Variants in MYO9A observed in about 807,000 individuals in gnomAD.
The protein encoded by MYO9A is unconventional myosin-IXa.
MYO9A carries 103 observed loss-of-function variants against 293.3 expected under a neutral mutation model. The observed-to-expected ratio is 0.35, with a 90% CI of 0.30 to 0.41. MYO9A has a LOEUF of 0.41. Among genes scored for constraint, MYO9A ranks in the 10% least tolerant of loss-of-function variants. The probability of loss-of-function intolerance (pLI) is 1.00; values close to 1 mark genes in which losing one functional copy is unlikely to be tolerated. For missense variants in MYO9A, 2,685 were observed against 3,033.0 expected (o/e 0.89, Z 2.69); for synonymous variants, 1,001 against 1,035.7 (o/e 0.97, Z 0.64).
At chr15:71,849,108 G>A (rs1222364507) in intron 38 of MYO9A, 140 bp from the exon 39 acceptor site, 1 of 840,568 alleles carries the variant, frequency 1.2e-6, no homozygotes, top group Non-Finnish European at 1.7e-6. Flanking sequence ...CAGAGACAAG[G>A]TTTAGAATGG....
chr15:72,116,563 C>T (rs2080986736), intron 1 of MYO9A, among the ~76,000 whole-genome samples: 1 of 152,096 alleles, frequency 6.6e-6, no homozygotes. Context: ...AAACCGACAT[C>T]GAAGCATTCA....
At chr15:72,062,882 T>C (rs4131631) in intron 1 of MYO9A, among the ~76,000 whole-genome samples, 4,401 of 152,218 alleles carry the variant, frequency 0.029, 82 homozygotes, top group African/African-American at 0.04. Flanking sequence ...ATTAACTGGA[T>C]GTGGTGGCAC....
chr15:72,026,639 A>C (rs1375726961), intron 4 of MYO9A, among the ~76,000 whole-genome samples: 3 of 152,078 alleles, frequency 2.0e-5, no homozygotes, highest in African/African-American at 7.2e-5. Flanking sequence ...AAAATAGAGA[A>C]CATCAATGAA....
rs1305458405 is a variant in MYO9A, at chr15:72,046,427, A to G, written c.137T>C (p.Ile46Thr). 6.2e-7 allele frequency: 1 copy of G among 1,614,066 alleles called. No individual in the cohort carries two copies. The highest frequency in any genetic ancestry group is 8.5e-7 in the Non-Finnish European group (1 of 1,180,038). ...ARKNSTAAEV[I>T]ESLINKLHLD... ...ATGAAGTTTGTTTATAAGAGACTCA[A>G]TCACCTCAGCAGCTGTGGAGTTTTT... The change falls in exon 2 of 42, where the codon ATT becomes ACT. Residue 46 changes from isoleucine (I) to threonine (T), a missense_variant. This residue lies in a region of MYO9A where 67 missense variants were observed against 63.2 expected (regional missense o/e 1.06). Transcript: ENST00000356056.
chr15:71,839,694 A>G (rs1172993045), intron 39 of MYO9A, among the ~76,000 whole-genome samples: 1 of 151,902 alleles, frequency 6.6e-6, no homozygotes, highest in East Asian at 1.9e-4. Context: ...ATAGGCATGA[A>G]CTACTGTGCC....
chr15:71,959,182 G>C (rs2059269042), intron 14 of MYO9A: 1 of 152,100 alleles, frequency 6.6e-6, no homozygotes, highest in African/African-American at 2.4e-5. Flanking sequence ...ACAAAGACCA[G>C]TTCAAATACT....
At chr15:71,986,191 TTAAGTA>T (rs1187592171) in intron 11 of MYO9A, among the ~76,000 whole-genome samples, 2 of 152,326 alleles carry the variant, frequency 1.3e-5, no homozygotes, top group African/African-American at 4.8e-5. Context: ...TTACAGTGTA[TTAAGTA>T]TAAGAAACTG....
chr15:71,904,902 C>A, intron 20 of MYO9A, 24 bp downstream of exon 20: 1 of 1,548,204 alleles, frequency 6.5e-7, no homozygotes, highest in Non-Finnish European at 8.9e-7. Flanking sequence ...GAGATATGTG[C>A]TCTCATTTAT....
At chr15:72,027,863 C>T in intron 3 of MYO9A, 70 bp from the exon 4 acceptor site, 1 of 1,159,320 alleles carries the variant, frequency 8.6e-7, no homozygotes, top group Non-Finnish European at 1.3e-6. Context: ...TATTTGGAGA[C>T]AGTGTAAAAG....
chr15:72,046,205 C>T lies in MYO9A; in HGVS notation c.359G>A (p.Ser120Asn), dbSNP rs147186127. The part of the protein sequence containing the change: ...KNLDGSIHYG[S>N]LQSWLRVTEE... ...TGTTACCCGTAGCCATGACTGCAGG[C>T]TACCATAATGGATTGATCCATCAAG... is the stretch of plus-strand genomic sequence containing the variant. Residue 120 changes from serine to asparagine, a missense_variant, in exon 2 of 42, where the codon AGC (serine) becomes AAC (asparagine). By Grantham distance (46) the Ser-to-Asn change is conservative. Transcript: ENST00000356056. The T allele has an allele frequency of 1.1e-4, 180 of 1,613,972 alleles. No homozygotes were observed. The highest frequency in any genetic ancestry group is 1.5e-4 in the Non-Finnish European group (172 of 1,180,008).
intron 9 of MYO9A, among the ~76,000 whole-genome samples, chr15:71,996,798 TC>T (rs759069115): frequency 1.3e-5 from 2 of 151,980 alleles, no homozygotes; most frequent in South Asian, 4.2e-4. Context: ...CTACATCCAC[TC>T]CTGCCTTCTG....
At chr15:71,870,980 G>GA (rs1301440338) in intron 32 of MYO9A, among the ~76,000 whole-genome samples, 1 of 151,986 alleles carries the variant, frequency 6.6e-6, no homozygotes, top group African/African-American at 2.4e-5. Flanking sequence ...CACTATTAAA[G>GA]AAAAAAAGCA....
In MYO9A at chr15:72,002,216, G is replaced by A. The variant is rs1479005788; in HGVS notation, c.1381-2276C>T. On this transcript the variant is annotated intron_variant, in intron 8 of 41. Transcript: ENST00000356056. ...TCGTGCCACTGCATCCCAGCCTGGA[G>A]CTACAGGCACATGCCACCATGACCA... 2.0e-5 allele frequency among the ~76,000 whole-genome samples: 3 copies of A among 151,756 alleles called. No homozygotes were observed. The East Asian group carries it at 5.8e-4, about 29-fold the overall frequency.
At chr15:72,027,112 A>G (rs1013080415) in intron 4 of MYO9A, among the ~76,000 whole-genome samples, 1 of 152,224 alleles carries the variant, frequency 6.6e-6, no homozygotes, top group African/African-American at 2.4e-5. Flanking sequence ...AGGAAATAAG[A>G]GTTATATACC....
intron 11 of MYO9A, among the ~76,000 whole-genome samples, chr15:71,979,954 G>C (rs1428048519): frequency 6.6e-6 from 1 of 152,148 alleles, no homozygotes; most frequent in African/African-American, 2.4e-5. Context: ...TAAACTTTGA[G>C]AATCACTGCT....
At position 72,117,930 on chromosome 15, in the gene MYO9A, C is replaced by G. The variant is rs560020564; in HGVS notation, c.-322G>C. On this transcript the variant is annotated 5_prime_UTR_variant, in exon 1 of 42. Coordinates refer to ENST00000356056, the MANE Select transcript of MYO9A (RefSeq NM_006901.4). Reference sequence around the variant, plus strand: ...CCCGCCGCACCCCGCCCAGAGAGCACGCGTTGGACCGCCGCCTCAACCGCT... The same window carrying G: ...CCCGCCGCACCCCGCCCAGAGAGCAGGCGTTGGACCGCCGCCTCAACCGCT... 16 of 400,504 alleles carry G rather than the reference C, an allele frequency of 4.0e-5. No homozygotes were observed. Among genetic ancestry groups the G allele is most frequent in the Admixed American group, 3.1e-4 (7 of 22,740 alleles). 24.8% of individuals were successfully genotyped at this position (400,504 alleles called of 1,614,324 possible). A position where few individuals can be genotyped will look rare whatever the true frequency, so the allele number is the denominator to read the frequency against.
intron 11 of MYO9A, among the ~76,000 whole-genome samples, chr15:71,983,998 C>T (rs2076346171): frequency 6.6e-6 from 1 of 152,230 alleles, no homozygotes; most frequent in Non-Finnish European, 1.5e-5. Flanking sequence ...GAAAGGCTGA[C>T]TGCCAAGTCT....
At chr15:72,018,986 CA>C in intron 6 of MYO9A, 52 bp downstream of exon 6, 1 of 1,413,186 alleles carries the variant, frequency 7.1e-7, no homozygotes, top group South Asian at 1.2e-5. Flanking sequence ...TGCAAATGCG[CA>C]ATGTGAGGAC....
At chr15:71,964,249 G>T (rs2075815025) in intron 13 of MYO9A, among the ~76,000 whole-genome samples, 1 of 151,986 alleles carries the variant, frequency 6.6e-6, no homozygotes, top group Non-Finnish European at 1.5e-5. Flanking sequence ...TTTGTTCAAT[G>T]TCTGCTTTAT....
Sources: gnomAD v4.1 joint callset for allele counts (sites outside exome capture counted in the v4.1 genomes callset) on GRCh38, gnomAD v4.1.1 for gene constraint, gnomAD v4.1.1 regional missense constraint, MANE v1.5 for transcripts, NCBI Gene and HGNC (gene_info 2026-07-23, HGNC 2026-07-21) for gene names.